Variants in MEMO1 observed in about 807,000 individuals in gnomAD.
MEMO1 encodes the protein mediator of cell motility 1, also known as protein MEMO1.
MEMO1 carries 6 observed loss-of-function variants against 45.2 expected under a neutral mutation model. That is an observed-to-expected ratio of 0.13 (90% CI 0.07 to 0.26). MEMO1 has a LOEUF of 0.26. MEMO1 is among the 10% of genes least tolerant of loss of function. The pLI, the probability that MEMO1 is intolerant of heterozygous loss-of-function variation, is 1.00. For missense variants in MEMO1, 184 were observed against 370.5 expected (o/e 0.50, Z 4.13); for synonymous variants, 78 against 124.3 (o/e 0.63, Z 2.48).
intron 2 of MEMO1, among the ~76,000 whole-genome samples, chr2:31,985,069 A>G (rs1671105855): frequency 6.6e-6 from 1 of 152,202 alleles, no homozygotes; most frequent in African/African-American, 2.4e-5. Context: ...AATAATAAAC[A>G]TGAATAGTAC....
chr2:31,953,454 A>ATTTTTTTTTTTTTTT (rs148325193), intron 2 of MEMO1, among the ~76,000 whole-genome samples: 1 of 143,938 alleles, frequency 6.9e-6, no homozygotes. Flanking sequence ...CTTTCATAAG[A>ATTTTTTTTTTTTTTT]TTTTTTTTTT....
chr2:31,892,147 A>AC lies in MEMO1; in HGVS notation c.438-14_438-13insG. On this transcript the variant is annotated splice_polypyrimidine_tract_variant and intron_variant, in intron 6 of 9. Transcript: ENST00000404530. The stretch of plus-strand genomic sequence containing the variant: ...CTCATCCTTATGGCTTAAAGAAAAC[A>AC]GAAAAAAAAAAAATGTCATTTAAGA... The AC allele has an allele frequency of 1.9e-6, 3 of 1,562,704 alleles. No individual in the cohort carries two copies. Among genetic ancestry groups the AC allele is most frequent in the South Asian group, 1.2e-5 (1 of 83,046 alleles).
At chr2:31,965,895 G>A (rs1404275788) in intron 2 of MEMO1, among the ~76,000 whole-genome samples, 1 of 152,064 alleles carries the variant, frequency 6.6e-6, no homozygotes, top group African/African-American at 2.4e-5. Flanking sequence ...TGGGTTGACA[G>A]GTGCAGCAAA....
chr2:31,925,121 T>G (rs1279886601), intron 4 of MEMO1, among the ~76,000 whole-genome samples: 1 of 152,170 alleles, frequency 6.6e-6, no homozygotes, highest in African/African-American at 2.4e-5. Flanking sequence ...CCAACAACTT[T>G]GCCTACTTCA....
chr2:32,007,698 A>G (rs187941862), intron 2 of MEMO1, among the ~76,000 whole-genome samples: 1 of 152,254 alleles, frequency 6.6e-6, no homozygotes, highest in East Asian at 1.9e-4. Flanking sequence ...ATCTCCTATT[A>G]CTCACACTTT....
At chr2:31,957,636 C>T (rs1667552693) in intron 2 of MEMO1, among the ~76,000 whole-genome samples, 2 of 152,146 alleles carry the variant, frequency 1.3e-5, no homozygotes, top group Non-Finnish European at 2.9e-5. Context: ...AAGCAGAGAA[C>T]ATGGAAATAC....
intron 2 of MEMO1, among the ~76,000 whole-genome samples, chr2:31,971,948 C>T (rs950052964): frequency 3.3e-5 from 5 of 151,598 alleles, no homozygotes; most frequent in African/African-American, 4.9e-5. Flanking sequence ...CCATCCTGGC[C>T]GTCAGAGCGA....
At chr2:31,970,062 C>T (rs193233385) in intron 2 of MEMO1, among the ~76,000 whole-genome samples, 60 of 152,116 alleles carry the variant, frequency 3.9e-4, no homozygotes, top group Non-Finnish European at 2.6e-4. Context: ...ACCTCCCCAT[C>T]CCAGGTTCAA....
At chr2:31,933,902 T>C (rs896895799) in intron 3 of MEMO1, among the ~76,000 whole-genome samples, 2 of 152,190 alleles carry the variant, frequency 1.3e-5, no homozygotes, top group Non-Finnish European at 2.9e-5. Context: ...TGTGCTAATT[T>C]TGATACTAGA....
intron 8 of MEMO1, among the ~76,000 whole-genome samples, chr2:31,874,484 T>A (rs368221439): frequency 6.6e-6 from 1 of 152,112 alleles, no homozygotes; most frequent in African/African-American, 2.4e-5. Flanking sequence ...GATATTCAAG[T>A]GCTAGAAATA....
At chr2:31,986,340 CG>C (rs1410296499) in intron 2 of MEMO1, among the ~76,000 whole-genome samples, 1 of 151,832 alleles carries the variant, frequency 6.6e-6, no homozygotes, top group Non-Finnish European at 1.5e-5. Context: ...GGCGTGGTGG[CG>C]GGGGCTTGTA....
intron 6 of MEMO1, among the ~76,000 whole-genome samples, chr2:31,892,990 C>A (rs1014877863): frequency 3.3e-5 from 5 of 151,952 alleles, no homozygotes; most frequent in South Asian, 2.1e-4. Context: ...TCTAAATGAT[C>A]CCAGATTTGG....
chr2:31,874,536 T>G (rs1326062051), intron 8 of MEMO1, among the ~76,000 whole-genome samples: 1 of 152,106 alleles, frequency 6.6e-6, no homozygotes, highest in Non-Finnish European at 1.5e-5. Flanking sequence ...CTTTTGCAAC[T>G]TAGTTTTATT....
intron 3 of MEMO1, among the ~76,000 whole-genome samples, chr2:31,933,352 T>TAAAAA (rs1558514359): frequency 2.6e-3 from 32 of 12,218 alleles, no homozygotes; most frequent in Non-Finnish European, 2.7e-3. Flanking sequence ...AAAAAAAATT[T>TAAAAA]ATATATATAT....
rs1671319184 is a variant in MEMO1 at position 31,986,843 on chromosome 2, C to T, written c.61+23344G>A. ...ACTACTTCCAAAAAAACAGGAAAGG[C>T]ACCTTTAAGTACGCGACAACTAAAT... On this transcript the variant is annotated intron_variant, in intron 2 of 9. Transcript: ENST00000404530. Among the ~76,000 whole-genome samples, 4 of 152,230 alleles carry T rather than the reference C, an allele frequency of 2.6e-5. No individual in the cohort carries two copies. The South Asian group carries it at 8.3e-4, about 32-fold the overall frequency.
intron 8 of MEMO1, among the ~76,000 whole-genome samples, chr2:31,882,303 T>C (rs1675517504): frequency 6.6e-6 from 1 of 152,144 alleles, no homozygotes; most frequent in Non-Finnish European, 1.5e-5. Flanking sequence ...AGTAACGGAA[T>C]GAGTCCCTGT....
In MEMO1 at chr2:31,918,026, G is replaced by T; in HGVS notation, c.337C>A (p.Leu113Met). 1.2e-6 allele frequency: 2 copies of T among 1,608,320 alleles called. No individual in the cohort carries two copies. The highest frequency in any genetic ancestry group is 1.7e-6 in the Non-Finnish European group (2 of 1,177,184). ...LRIDQKIYGE[L>M]WKTGMFERMS... Reference sequence around the variant, plus strand: ...CGTTCAAACATTCCTGTCTTCCACAGTTCTCCGTAAACTAAAGAGATTTCA... The same window carrying T: ...CGTTCAAACATTCCTGTCTTCCACATTTCTCCGTAAACTAAAGAGATTTCA... The change falls in exon 6 of 10, where the codon CTG becomes ATG. Residue 113 changes from leucine to methionine, a missense_variant. Leu to Met is a conservative substitution (Grantham distance 15). This residue lies in a region of MEMO1 where 60 missense variants were observed against 79.2 expected (regional missense o/e 0.76). Coordinates refer to ENST00000404530, the MANE Select transcript of MEMO1 (RefSeq NM_001301833.4).
At chr2:31,977,151 G>T (rs1670097720) in intron 2 of MEMO1, among the ~76,000 whole-genome samples, 1 of 152,080 alleles carries the variant, frequency 6.6e-6, no homozygotes, top group African/African-American at 2.4e-5. Flanking sequence ...AAGAAGCCAT[G>T]AACAAAAGCA....
At chr2:31,980,537 A>G (rs1670514803) in intron 2 of MEMO1, among the ~76,000 whole-genome samples, 1 of 152,164 alleles carries the variant, frequency 6.6e-6, no homozygotes, top group African/African-American at 2.4e-5. Context: ...GAGTCAAATT[A>G]CTTGAACTCT....
Sources: gnomAD v4.1 joint callset for allele counts (sites outside exome capture counted in the v4.1 genomes callset) on GRCh38, gnomAD v4.1.1 for gene constraint, gnomAD v4.1.1 regional missense constraint, MANE v1.5 for transcripts, NCBI Gene and HGNC (gene_info 2026-07-23, HGNC 2026-07-21) for gene names.